Variants in USP6 observed in about 807,000 individuals in gnomAD.
The protein encoded by USP6 is ubiquitin specific peptidase 6.
Under a neutral mutation model 175.7 loss-of-function variants are expected in USP6, and 128 were observed. The observed-to-expected ratio is 0.73, with a 90% CI of 0.63 to 0.84. USP6 has a LOEUF of 0.84. USP6 is among the 40% of genes least tolerant of loss of function. The pLI is 0.00. For missense variants in USP6, 1,498 were observed against 1,760.3 expected (o/e 0.85, Z 2.67); for synonymous variants, 562 against 630.6 (o/e 0.89, Z 1.63).
chr17:5,127,032 G>A (rs2072916317), intron 6 of USP6: 3 of 152,150 alleles, frequency 2.0e-5, no homozygotes, highest in Admixed American at 1.3e-4. Context: ...AGGGTGGGGG[G>A]AGGGGTGGGT....
chr17:5,131,684 G>C (rs1315347364), intron 11 of USP6, among the ~76,000 whole-genome samples: 1 of 150,572 alleles, frequency 6.6e-6, no homozygotes, highest in Non-Finnish European at 1.5e-5. Flanking sequence ...GAGGCAGCAG[G>C]GCTTGTGACT....
rs1431201443 is a variant in USP6, at chr17:5,173,900, G to C, written c.*922G>C. On this transcript the variant is annotated 3_prime_UTR_variant, in exon 38 of 38. Coordinates refer to ENST00000574788, the MANE Select transcript of USP6 (RefSeq NM_001304284.2). ...GCTAGATCACGTTTCACAATTAGTG[G>C]TTATTCTTTTCTGTGTTTGTTTTGC... 3 of 222,072 alleles carry C rather than the reference G, an allele frequency of 1.4e-5. No individual in the cohort carries two copies. The highest frequency in any genetic ancestry group is 5.8e-5 in the Admixed American group (1 of 17,388). 13.8% of individuals were successfully genotyped at this position (222,072 alleles called of 1,614,324 possible).
Position 5,155,513 on chromosome 17 carries a change from G to A in USP6, c.2735G>A (p.Arg912Gln), listed in dbSNP as rs9899177. ...PLIVPCTVHT[R>Q]KKDLYDAVWI... ...ATTGTTCCATGCACTGTGCATACCCGGAAGAAAGACCTATATGATGCGGTT... is the reference window on the plus strand; with the variant it reads ...ATTGTTCCATGCACTGTGCATACCCAGAAGAAAGACCTATATGATGCGGTT... The change falls in exon 31 of 38, where the codon CGG becomes CAG. Residue 912 changes from arginine (R) to glutamine (Q), a missense_variant. This residue lies in a region of USP6 where 1,217 missense variants were observed against 1,500.8 expected (regional missense o/e 0.81). Transcript: ENST00000574788. 939,187 of 1,613,432 alleles carry A rather than the reference G, an allele frequency of 0.58. 289,501 individuals are homozygous for A. The highest frequency in any genetic ancestry group is 0.65 in the Non-Finnish European group (764,298 of 1,179,774).
chr17:5,118,750 G>A lies in USP6; in HGVS notation c.-1837+460G>A, dbSNP rs907714913. Among the ~76,000 whole-genome samples, 13 of 152,298 alleles carry A rather than the reference G, an allele frequency of 8.5e-5. No homozygotes were observed. In the East Asian group the frequency reaches 1.2e-3, roughly 14 times the overall value. On this transcript the variant is annotated intron_variant, in intron 2 of 37. Coordinates refer to ENST00000574788, the MANE Select transcript of USP6 (RefSeq NM_001304284.2). ...CAGAGTGATCACAGTGGCTCTCAGC[G>A]GAGAGGGGAGCTAGAGAGGGGGTAG...
intron 5 of USP6, 143 bp from the exon 6 acceptor site, chr17:5,125,678 G>GCGCGCACACA (rs1344445678): frequency 8.7e-5 from 12 of 137,684 alleles, no homozygotes; most frequent in African/African-American, 3.4e-4. Flanking sequence ...ACACGCACAT[G>GCGCGCACACA]CACACACACA....
intron 20 of USP6, 38 bp from the exon 21 acceptor site, chr17:5,138,083 A>T (rs748289860): frequency 8.7e-6 from 14 of 1,613,710 alleles, no homozygotes; most frequent in Non-Finnish European, 1.1e-5. Context: ...GACCATTCCC[A>T]GGGAACTCTC....
chr17:5,127,670 A>G (rs1056629378), intron 7 of USP6, 31 bp downstream of exon 7: 3 of 152,172 alleles, frequency 2.0e-5, no homozygotes, highest in African/African-American at 7.2e-5. Flanking sequence ...CTTGGTATCC[A>G]TGGAGGATTA....
intron 25 of USP6, among the ~76,000 whole-genome samples, chr17:5,144,005 T>C (rs565254477): frequency 1.7e-4 from 26 of 152,116 alleles, no homozygotes; most frequent in Non-Finnish European, 3.5e-4. Context: ...TGTAGTAGAT[T>C]TTGGTGAAGT....
Position 5,132,981 on chromosome 17 carries a change from C to G in USP6, c.267C>G (p.His89Gln), listed in dbSNP as rs759526510. The change falls in exon 13 of 38, where the codon CAC becomes CAG. Residue 89 changes from histidine (H) to glutamine (Q), a missense_variant. His to Gln is a conservative substitution (Grantham distance 24). This residue lies in a region of USP6 where 281 missense variants were observed against 259.6 expected (regional missense o/e 1.08). Transcript: ENST00000574788. The surrounding 1 kb of genome is among the most constrained non-coding windows in gnomAD (Gnocchi z 4.7). ...TGGGAGAATGGGAGACATATAAGCA[C>G]AGTAGCAAAGTAATGTGTGGAGGGA... ...EMLGEWETYK[H>Q]SSKLIDRVYK... The G allele has an allele frequency of 3.7e-6, 6 of 1,614,136 alleles. No homozygotes were observed. The highest frequency in any genetic ancestry group is 4.2e-6 in the Non-Finnish European group (5 of 1,179,998).
In USP6 at chr17:5,146,106, C is replaced by T. The variant is rs779611490; in HGVS notation, c.2251C>T (p.Leu751=). The part of the protein sequence containing the change: ...DEKYTGLKKQ[L]RDLCGLNSEQ... ...AAAGTACACAGGTTTAAAAAAACAG[C>T]TGAGGGATCTCTGTGGACTTAATTC... The change falls in exon 28 of 38, where the codon CTG becomes TTG. Residue 751 remains leucine (L), a synonymous_variant. Coordinates refer to ENST00000574788, the MANE Select transcript of USP6 (RefSeq NM_001304284.2). 2 of 1,613,084 alleles carry T rather than the reference C, an allele frequency of 1.2e-6. No homozygotes were observed. Among genetic ancestry groups the T allele is most frequent in the South Asian group, 2.2e-5 (2 of 90,976 alleles).
At chr17:5,171,392 A>G (rs1410774422) in intron 36 of USP6, among the ~76,000 whole-genome samples, 195 bp from the exon 37 acceptor site, 1 of 152,194 alleles carries the variant, frequency 6.6e-6, no homozygotes, top group Non-Finnish European at 1.5e-5. Flanking sequence ...TTGTTTATCC[A>G]CACAAGACTT....
Position 5,170,694 on chromosome 17 carries a change from C to A in USP6, c.3733C>A (p.Arg1245=). The A allele has an allele frequency of 6.2e-7, 1 of 1,613,904 alleles. No individual in the cohort carries two copies. The highest frequency in any genetic ancestry group is 8.5e-7 in the Non-Finnish European group (1 of 1,179,862). The change falls in exon 36 of 38, where the codon CGA becomes AGA. Residue 1245 remains arginine, a synonymous_variant. Transcript: ENST00000574788. ...QICELADALS[R]GHMRGGSQPE... Reference sequence around the variant, plus strand: ...CTGTGAGCTGGCTGACGCCTTGAGCCGAGGGCATATGCGGGGGGGCAGCCA... The same window carrying A: ...CTGTGAGCTGGCTGACGCCTTGAGCAGAGGGCATATGCGGGGGGGCAGCCA...
In USP6 at chr17:5,168,790, A is replaced by G. The variant is rs754813509; in HGVS notation, c.3252A>G (p.Gln1084=). 12 of 1,599,638 alleles carry G rather than the reference A, an allele frequency of 7.5e-6. No individual in the cohort carries two copies. In the African/African-American group the frequency reaches 1.3e-4, roughly 18 times the overall value. ...PFLIIHLKRF[Q]FVNDQWIKSQ... ...AGATTATTCACCTTAAGCGATTTCA[A>G]TTTGTAAATGATCAGTGGATAAAAT... Residue 1084 remains glutamine (Q), a synonymous_variant, in exon 35 of 38, where the codon CAA becomes CAG. Coordinates refer to ENST00000574788, the MANE Select transcript of USP6 (RefSeq NM_001304284.2).
chr17:5,132,260 C>T lies in USP6; in HGVS notation c.156-136C>T. 6.2e-7 allele frequency: 1 copy of T among 1,603,872 alleles called. No homozygotes were observed. The highest frequency in any genetic ancestry group is 1.1e-5 in the South Asian group (1 of 90,660). ...GAGCCACAGGAAGGCCCTTGTCCTC[C>T]CTTCCCTGTGCCTTCTCCCGGGCTG... On this transcript the variant is annotated intron_variant, in intron 11 of 37. Transcript: ENST00000574788. The surrounding 1 kb of genome is among the most constrained non-coding windows in gnomAD (Gnocchi z 4.7).
intron 17 of USP6, 60 bp downstream of exon 17, chr17:5,135,988 C>T: frequency 6.3e-7 from 1 of 1,596,260 alleles, no homozygotes; most frequent in Non-Finnish European, 8.5e-7. Flanking sequence ...CCACTGTGGC[C>T]AGGTGATCTC....
Position 5,142,001 on chromosome 17 carries a change from A to G in USP6, c.1574-2A>G. 1 of 1,612,050 alleles carries G rather than the reference A, an allele frequency of 6.2e-7. No individual in the cohort carries two copies. Among genetic ancestry groups the G allele is most frequent in the East Asian group, 2.2e-5 (1 of 44,864 alleles). ...CTTTGGTTCTCATATTGTTTGTTCC[A>G]GTTCCCACAGAAAAGGGAGCCACAG... On this transcript the variant is annotated splice_acceptor_variant, in intron 23 of 37. Transcript: ENST00000574788. LOFTEE classifies it high-confidence loss of function.
chr17:5,165,631 G>A (rs2074081705), intron 33 of USP6, among the ~76,000 whole-genome samples: 1 of 151,984 alleles, frequency 6.6e-6, no homozygotes, highest in Non-Finnish European at 1.5e-5. Context: ...AATTAAACTA[G>A]ACAAATTCTT....
In USP6 at chr17:5,132,153, C is replaced by G. The variant is rs968457575; in HGVS notation, c.156-243C>G. The stretch of plus-strand genomic sequence containing the variant: ...CAGCCCCACTGTGGCCTGACCACCC[C>G]CCATGCCAGGGGCCCCAGTAACCCC... On this transcript the variant is annotated intron_variant, in intron 11 of 37. Transcript: ENST00000574788. This position sits in a 1 kb window ranked among gnomAD's most constrained non-coding sequence, Gnocchi z 4.7. 1.4e-6 allele frequency: 2 copies of G among 1,449,200 alleles called. No homozygotes were observed. Among genetic ancestry groups the G allele is most frequent in the African/African-American group, 2.8e-5 (2 of 71,102 alleles). The allele number at this position is 1,449,200 out of a possible 1,614,324, so 89.8% of individuals were successfully genotyped here.
At chr17:5,149,375 C>T (rs1364380604) in intron 30 of USP6, among the ~76,000 whole-genome samples, 1 of 152,062 alleles carries the variant, frequency 6.6e-6, no homozygotes, top group Non-Finnish European at 1.5e-5. Flanking sequence ...AGCACTCCAG[C>T]CTGGGTGGTA....
Sources: allele counts gnomAD v4.1 joint callset (sites outside exome capture counted in the v4.1 genomes callset), GRCh38; gene constraint gnomAD v4.1.1; regional missense constraint gnomAD v4.1.1; non-coding constraint Gnocchi (gnomAD v3.1); transcripts MANE v1.5; gene names NCBI Gene and HGNC (gene_info 2026-07-23, HGNC 2026-07-21).